ANKRD13D: variants seen among roughly 807,000 people sequenced by gnomAD.
ANKRD13D encodes ankyrin repeat domain 13D.
A neutral mutation model predicts 68.8 loss-of-function variants in ANKRD13D; 24 were observed. The observed-to-expected ratio is 0.35, with a 90% CI of 0.25 to 0.49. The LOEUF is 0.49. ANKRD13D is among the 20% of genes least tolerant of loss of function. ANKRD13D has a pLI of 0.99. For synonymous variants in ANKRD13D, 331 were observed against 336.1 expected, an observed-to-expected ratio of 0.98 and a Z score of 0.16; for missense variants, 735 against 832.1, an observed-to-expected ratio of 0.88 and a Z score of 1.44.
Position 67,299,927 on chromosome 11 carries a change from C to T in ANKRD13D, c.942+39C>T. ...GGGCCGAGACAGGGCTGGCGGGGGGCCGAGCCTGGGCGGGAGGGCACCCTC... is the reference window on the plus strand; with the variant it reads ...GGGCCGAGACAGGGCTGGCGGGGGGTCGAGCCTGGGCGGGAGGGCACCCTC... On this transcript the variant is annotated intron_variant, in intron 9 of 14. Coordinates refer to ENST00000511455, the MANE Select transcript of ANKRD13D (RefSeq NM_207354.3). This position sits in a 1 kb window ranked among gnomAD's most constrained non-coding sequence, Gnocchi z 6.2. 6.4e-7 allele frequency: 1 copy of T among 1,564,410 alleles called. No homozygotes were observed. Among genetic ancestry groups the T allele is most frequent in the Non-Finnish European group, 8.7e-7 (1 of 1,152,360 alleles).
chr11:67,291,371 A>T (rs1590864182), intron 3 of ANKRD13D, 105 bp from the exon 4 acceptor site: 11 of 1,184,374 alleles, frequency 9.3e-6, no homozygotes, highest in Non-Finnish European at 1.0e-5. Flanking sequence ...AAAAAAAAAA[A>T]AAAAGACCTG....
At chr11:67,289,916 C>T in intron 1 of ANKRD13D, 162 bp from the exon 2 acceptor site, 2 of 1,441,606 alleles carry the variant, frequency 1.4e-6, no homozygotes, top group Non-Finnish European at 1.8e-6. Flanking sequence ...CCCTCCTGCC[C>T]CCTCCTCTCC....
chr11:67,292,906 T>C (rs1860630146), intron 6 of ANKRD13D, among the ~76,000 whole-genome samples: 1 of 152,236 alleles, frequency 6.6e-6, no homozygotes, highest in Non-Finnish European at 1.5e-5. Context: ...AATGGAATTT[T>C]ATAATATGTT....
Position 67,290,128 on chromosome 11 carries a change from C to T in ANKRD13D, c.141C>T (p.Ala47=), listed in dbSNP as rs1574103. ...DPRGRTPLEL[A]VSLGNLESVR... is the part of the protein sequence containing the mutation. Reference sequence around the variant, plus strand: ...GCGGGCGGACCCCACTGGAGCTGGCCGTGTCTCTGGGAAACCTGGAGTCTG... The same window carrying T: ...GCGGGCGGACCCCACTGGAGCTGGCTGTGTCTCTGGGAAACCTGGAGTCTG... The change falls in exon 2 of 15, where the codon GCC becomes GCT. Residue 47 remains alanine (A), a synonymous_variant. Transcript: ENST00000511455. 0.012 allele frequency: 18,718 copies of T among 1,537,094 alleles called. 2,301 individuals carry two copies. In the Admixed American group the frequency reaches 0.26, roughly 22 times the overall value.
intron 6 of ANKRD13D, 113 bp from the exon 7 acceptor site, chr11:67,298,945 G>T: frequency 9.5e-7 from 1 of 1,056,588 alleles, no homozygotes; most frequent in Non-Finnish European, 1.5e-6. Context: ...GCGAGAAGGG[G>T]CCCTGAGAGT....
chr11:67,301,538 G>A lies in ANKRD13D; in HGVS notation c.1399G>A (p.Gly467Arg), dbSNP rs756553746. The A allele has an allele frequency of 6.2e-7, 1 of 1,613,082 alleles. No homozygotes were observed. Among genetic ancestry groups the A allele is most frequent in the Non-Finnish European group, 8.5e-7 (1 of 1,179,994 alleles). Residue 467 changes from glycine to arginine, a missense_variant, in exon 13 of 15, where the codon GGG (glycine) becomes AGG (arginine). Coordinates refer to ENST00000511455, the MANE Select transcript of ANKRD13D (RefSeq NM_207354.3). The surrounding 1 kb of genome is among the most constrained non-coding windows in gnomAD (Gnocchi z 4.5). ...CCCCACCGTGTTTGAAGTGCCCAAC[G>A]GGTACAGCGTGCTGGGCATGGAGCG... Reference protein sequence around the residue: ...VDPTVFEVPNGYSVLGMERNE... With the variant: ...VDPTVFEVPNRYSVLGMERNE...
At position 67,302,212 on chromosome 11, in the gene ANKRD13D, A is replaced by G. The variant is rs1216490884; in HGVS notation, c.1698A>G (p.Glu566=). ...CAGCCCCCGGTCCACCCAGCTTTGA[A>G]GAGCAGCTGCGCCTGGCCCTGGAGT... ...TPPAPGPPSF[E]EQLRLALELS... The change falls in exon 15 of 15, where the codon GAA becomes GAG. Residue 566 remains glutamate (E), a synonymous_variant. Coordinates refer to ENST00000511455, the MANE Select transcript of ANKRD13D (RefSeq NM_207354.3). 9 of 1,587,386 alleles carry G rather than the reference A, an allele frequency of 5.7e-6. No individual in the cohort carries two copies. Among genetic ancestry groups the G allele is most frequent in the Non-Finnish European group, 7.7e-6 (9 of 1,167,158 alleles).
At position 67,301,415 on chromosome 11, in the gene ANKRD13D, A is replaced by G; in HGVS notation, c.1348+17A>G. 6.2e-7 allele frequency: 1 copy of G among 1,608,594 alleles called. No homozygotes were observed. On this transcript the variant is annotated intron_variant, in intron 12 of 14. Transcript: ENST00000511455. This position sits in a 1 kb window ranked among gnomAD's most constrained non-coding sequence, Gnocchi z 4.5. ...CCGCATCAGGTACCCCAACGGGAGG[A>G]AGAGGGAGCCTGCACAGCTTTCTGG... is the stretch of plus-strand genomic sequence containing the variant.
rs767911749 is a variant in ANKRD13D, at chr11:67,299,302, G to C, written c.798+178G>C. 1 of 763,900 alleles carries C rather than the reference G, an allele frequency of 1.3e-6. No individual in the cohort carries two copies. Among genetic ancestry groups the C allele is most frequent in the Non-Finnish European group, 2.1e-6 (1 of 471,480 alleles). The allele number at this position is 763,900 out of a possible 1,614,324, so 47.3% of individuals were successfully genotyped here. On this transcript the variant is annotated intron_variant, in intron 7 of 14. Transcript: ENST00000511455. The surrounding 1 kb of genome is among the most constrained non-coding windows in gnomAD (Gnocchi z 6.2). ...TACACAGGGCTCACCCACATCATGG[G>C]CCCCTACCCAGGGTACCGAGATCAA...
rs778832639 is a variant in ANKRD13D, at chr11:67,300,093, G to C, written c.1043G>C (p.Arg348Pro). The C allele has an allele frequency of 6.8e-6, 11 of 1,613,990 alleles. No individual in the cohort carries two copies. Among genetic ancestry groups the C allele is most frequent in the Non-Finnish European group, 9.3e-6 (11 of 1,179,950 alleles). ...NFSLESRNIGRPIEMSSKVQR... is the reference protein window; with the variant it reads ...NFSLESRNIGPPIEMSSKVQR... Reference sequence around the variant, plus strand: ...AGCCTGGAGTCACGGAACATTGGCCGCCCCATCGAGATGTCCAGCAAAGTA... The same window carrying C: ...AGCCTGGAGTCACGGAACATTGGCCCCCCCATCGAGATGTCCAGCAAAGTA... The change falls in exon 10 of 15, where the codon CGC becomes CCC. Residue 348 changes from arginine (R) to proline (P), a missense_variant. Arg to Pro is a moderately radical substitution (Grantham distance 103). Transcript: ENST00000511455. The surrounding 1 kb of genome is among the most constrained non-coding windows in gnomAD (Gnocchi z 4.3).
At chr11:67,292,695 C>T (rs964662685) in intron 6 of ANKRD13D, among the ~76,000 whole-genome samples, 1 of 152,012 alleles carries the variant, frequency 6.6e-6, no homozygotes, top group Non-Finnish European at 1.5e-5. Context: ...TTAAAGCATA[C>T]AGTTCAATGA....
chr11:67,291,829 A>G, intron 5 of ANKRD13D, 83 bp downstream of exon 5: 2 of 1,556,970 alleles, frequency 1.3e-6, no homozygotes, highest in Non-Finnish European at 1.7e-6. Context: ...TTTTCTCTCC[A>G]CTTTCCAGAT....
chr11:67,299,618 C>G lies in ANKRD13D; in HGVS notation c.880+7C>G, dbSNP rs1303756523. ...GACAAGTCGAGGAGCAAAGGTAAACCCAGGTGCGCCTGCCTGCTGCCCGGT... is the reference window on the plus strand; with the variant it reads ...GACAAGTCGAGGAGCAAAGGTAAACGCAGGTGCGCCTGCCTGCTGCCCGGT... On this transcript the variant is annotated splice_region_variant and intron_variant, in intron 8 of 14. Transcript: ENST00000511455. This position sits in a 1 kb window ranked among gnomAD's most constrained non-coding sequence, Gnocchi z 6.2. 1 of 1,550,762 alleles carries G rather than the reference C, an allele frequency of 6.4e-7. No individual in the cohort carries two copies. Among genetic ancestry groups the G allele is most frequent in the Non-Finnish European group, 8.7e-7 (1 of 1,146,884 alleles).
rs781221531 is a variant in ANKRD13D, at chr11:67,301,689, G to A, written c.1512+38G>A. 7.9e-5 allele frequency: 128 copies of A among 1,610,850 alleles called. No homozygotes were observed. The highest frequency in any genetic ancestry group is 9.9e-5 in the Non-Finnish European group (117 of 1,179,444). ...CAGGGGGTGGGCTCTGGCCTCTGCA[G>A]CCACACGGCAGAAGTGACAGCTGTG... is the stretch of plus-strand genomic sequence containing the variant. On this transcript the variant is annotated intron_variant, in intron 13 of 14. Transcript: ENST00000511455. This position sits in a 1 kb window ranked among gnomAD's most constrained non-coding sequence, Gnocchi z 4.5.
chr11:67,293,959 C>T (rs942183610), intron 6 of ANKRD13D, among the ~76,000 whole-genome samples: 5 of 152,256 alleles, frequency 3.3e-5, no homozygotes, highest in African/African-American at 1.2e-4. Context: ...TGTGACTATC[C>T]AGTTGTCCTA....
chr11:67,289,899 CT>C, intron 1 of ANKRD13D, 178 bp from the exon 2 acceptor site: 1 of 1,437,700 alleles, frequency 7.0e-7, no homozygotes, highest in East Asian at 2.5e-5. Flanking sequence ...GGCTCTGCCC[CT>C]GCCTTCCCTC....
At chr11:67,289,624 C>CCA in intron 1 of ANKRD13D, 74 bp downstream of exon 1, 1 of 1,096,282 alleles carries the variant, frequency 9.1e-7, no homozygotes, top group Non-Finnish European at 1.2e-6. Flanking sequence ...TCCTGGAGCC[C>CCA]CCCCCCCCCC....
At chr11:67,291,390 C>A in intron 3 of ANKRD13D, 86 bp from the exon 4 acceptor site, 3 of 902,884 alleles carry the variant, frequency 3.3e-6, no homozygotes, top group Non-Finnish European at 5.1e-6. Flanking sequence ...TGATGAAGGG[C>A]TGGGCTGGCT....
In ANKRD13D at chr11:67,302,178, G is replaced by A. The variant is rs1861036511; in HGVS notation, c.1664G>A (p.Arg555Lys). The A allele has an allele frequency of 1.3e-6, 2 of 1,596,730 alleles. No homozygotes were observed. The highest frequency in any genetic ancestry group is 8.5e-7 in the Non-Finnish European group (1 of 1,172,650). ...TEPRGPGSPP[R>K]TPPAPGPPSF... ...CCCAGGGGCCCAGGATCCCCTCCCA[G>A]GACACCCCCAGCCCCCGGTCCACCC... is the stretch of plus-strand genomic sequence containing the variant. Residue 555 changes from arginine (R) to lysine (K), a missense_variant, in exon 15 of 15, where the codon AGG (arginine) becomes AAG (lysine). Transcript: ENST00000511455.
Sources: gnomAD v4.1 joint callset for allele counts (sites outside exome capture counted in the v4.1 genomes callset) on GRCh38, gnomAD v4.1.1 for gene constraint, Gnocchi (gnomAD v3.1) non-coding constraint, MANE v1.5 for transcripts, NCBI Gene and HGNC (gene_info 2026-07-23, HGNC 2026-07-21) for gene names.